Variants in ADSS1 observed in about 807,000 individuals in gnomAD.
ADSS1 encodes adenylosuccinate synthase 1, also known as adenylosuccinate synthetase isozyme 1.
In ADSS1, 57 loss-of-function variants were observed where a neutral mutation model predicts 59.1. The observed-to-expected ratio is 0.97, with a 90% CI of 0.78 to 1.20. The LOEUF is 1.20. Among genes scored for constraint, ADSS1 ranks in the 50% most tolerant of loss-of-function variants. ADSS1 has a pLI of 0.00. For synonymous variants in ADSS1, 247 were observed against 249.4 expected (o/e 0.99, Z 0.09); for missense variants, 603 against 610.3 (o/e 0.99, Z 0.13).
At chr14:104,741,769 A>G (rs45518837) in intron 8 of ADSS1, 79 bp from the exon 9 acceptor site, 28,146 of 1,563,250 alleles carry the variant, frequency 0.018, 292 homozygotes, top group Non-Finnish European at 0.022. Flanking sequence ...ACTGCCCTTT[A>G]CTGAGAAGGC....
At chr14:104,728,882 C>G (rs1398196245) in intron 1 of ADSS1, among the ~76,000 whole-genome samples, 1 of 152,186 alleles carries the variant, frequency 6.6e-6, no homozygotes, top group East Asian at 1.9e-4. Context: ...CCCTCCTCCC[C>G]AAGCCTGCAT....
At position 104,747,069 on chromosome 14, in the gene ADSS1, C is replaced by A. The variant is rs1417369666; in HGVS notation, c.*66C>A. 5.6e-6 allele frequency: 8 copies of A among 1,439,062 alleles called. No homozygotes were observed. In the Admixed American group the frequency reaches 1.3e-4, roughly 23 times the overall value. 89.1% of individuals were successfully genotyped at this position (1,439,062 alleles called of 1,614,324 possible). A position where few individuals can be genotyped will look rare whatever the true frequency, so the allele number is the denominator to read the frequency against. On this transcript the variant is annotated 3_prime_UTR_variant, in exon 13 of 13. Transcript: ENST00000330877. ...GGACTTGTGTAAACAGCAGCAGTCACGTTCCTCGGCCGCCACAACCAACAC... is the reference window on the plus strand; with the variant it reads ...GGACTTGTGTAAACAGCAGCAGTCAAGTTCCTCGGCCGCCACAACCAACAC...
intron 9 of ADSS1, 28 bp from the exon 10 acceptor site, chr14:104,743,039 A>C: frequency 6.2e-7 from 1 of 1,611,822 alleles, no homozygotes; most frequent in South Asian, 1.1e-5. Flanking sequence ...ACGACAGCTC[A>C]CATGACGTCC....
At chr14:104,741,642 A>G (rs1595210769) in intron 8 of ADSS1, among the ~76,000 whole-genome samples, 1 of 151,874 alleles carries the variant, frequency 6.6e-6, no homozygotes, top group Non-Finnish European at 1.5e-5. Context: ...CCCTCCTCTC[A>G]CCCCAGACTC....
intron 1 of ADSS1, chr14:104,730,062 C>A (rs1259540440): frequency 2.6e-6 from 4 of 1,566,734 alleles, no homozygotes; most frequent in Non-Finnish European, 3.5e-6. Context: ...GCTCAGCCCA[C>A]CCCTCACCTT....
rs1891289681 is a variant in ADSS1, at chr14:104,740,167, T to G, written c.476+351T>G. Among the ~76,000 whole-genome samples, 1 of 152,040 alleles carries G rather than the reference T, an allele frequency of 6.6e-6. No individual in the cohort carries two copies. Among genetic ancestry groups the G allele is most frequent in the African/African-American group, 2.4e-5 (1 of 41,378 alleles). On this transcript the variant is annotated intron_variant, in intron 5 of 12. Coordinates refer to ENST00000330877, the MANE Select transcript of ADSS1 (RefSeq NM_152328.5). This position sits in a 1 kb window ranked among gnomAD's most constrained non-coding sequence, Gnocchi z 4.8. ...AAGCAGTTTAGTAGAACCTCAGATGTGCCAAGGACACAGGAGTGAAGCAGA... is the reference window on the plus strand; with the variant it reads ...AAGCAGTTTAGTAGAACCTCAGATGGGCCAAGGACACAGGAGTGAAGCAGA...
At chr14:104,743,214 C>G in intron 10 of ADSS1, 23 bp downstream of exon 10, 1 of 1,605,608 alleles carries the variant, frequency 6.2e-7, no homozygotes, top group East Asian at 2.2e-5. Flanking sequence ...TGCTGCCATC[C>G]CCACTGGGAC....
intron 1 of ADSS1, among the ~76,000 whole-genome samples, chr14:104,731,640 C>T (rs530051296): frequency 5.3e-5 from 8 of 152,314 alleles, no homozygotes; most frequent in African/African-American, 1.4e-4. Context: ...GCAGAGAGGC[C>T]TGCCGGCTGG....
Position 104,741,230 on chromosome 14 carries a change from C to T in ADSS1, c.780C>T (p.Leu260=), listed in dbSNP as rs549147233. The T allele has an allele frequency of 3.8e-6, 6 of 1,597,910 alleles. No homozygotes were observed. The highest frequency in any genetic ancestry group is 1.8e-5 in the Admixed American group (1 of 57,062). The change falls in exon 8 of 13, where the codon CTC becomes CTT. Residue 260 remains leucine (L), a synonymous_variant. Transcript: ENST00000330877. ...TGGAGGGTGCCAACGCCGCCCTCCT[C>T]GACATTGACTTCGGTATGTCCGGGA... ...ILVEGANAAL[L]DIDFGTYPFV...
Position 104,739,836 on chromosome 14 carries a change from C to G in ADSS1, c.476+20C>G, listed in dbSNP as rs534054807. 3.7e-6 allele frequency: 6 copies of G among 1,613,328 alleles called. No individual in the cohort carries two copies. Among genetic ancestry groups the G allele is most frequent in the Middle Eastern group, 1.7e-4 (1 of 6,056 alleles). ...GAAGAAGTAAGTCTGCCGGGACACT[C>G]TCACCCTCGGGGAGTCTTCTGGGCC... On this transcript the variant is annotated intron_variant, in intron 5 of 12. Transcript: ENST00000330877.
chr14:104,728,522 A>G (rs1244530272), intron 1 of ADSS1, among the ~76,000 whole-genome samples: 1 of 152,134 alleles, frequency 6.6e-6, no homozygotes, highest in Non-Finnish European at 1.5e-5. Context: ...GGGAGCCTGC[A>G]AGCAGAGCCC....
intron 9 of ADSS1, among the ~76,000 whole-genome samples, chr14:104,742,766 C>T (rs781157050): frequency 2.0e-5 from 3 of 152,246 alleles, no homozygotes; most frequent in Non-Finnish European, 2.9e-5. Flanking sequence ...GAGGGGAAGA[C>T]AGCAAGGCTG....
intron 4 of ADSS1, 37 bp from the exon 5 acceptor site, chr14:104,739,713 C>T (rs1891264298): frequency 1.2e-6 from 2 of 1,610,810 alleles, no homozygotes; most frequent in Non-Finnish European, 1.7e-6. Flanking sequence ...CTGCTTCTCT[C>T]CTGTCTCCTG....
chr14:104,726,586 AG>A (rs1438809846), intron 1 of ADSS1, among the ~76,000 whole-genome samples: 4 of 152,172 alleles, frequency 2.6e-5, no homozygotes, highest in Admixed American at 1.3e-4. Context: ...ATGTCGTCAG[AG>A]GCTGGCAGAG....
chr14:104,733,595 G>C (rs934938374), intron 1 of ADSS1, among the ~76,000 whole-genome samples: 3 of 152,198 alleles, frequency 2.0e-5, no homozygotes, highest in Admixed American at 6.5e-5. Context: ...CCAGGCTTGT[G>C]AGGGTGGGAG....
chr14:104,730,223 G>C, intron 1 of ADSS1: 1 of 1,492,884 alleles, frequency 6.7e-7, no homozygotes, highest in East Asian at 2.5e-5. Context: ...GGTGGGTGCG[G>C]TGGCGTACAT....
intron 5 of ADSS1, 108 bp downstream of exon 5, chr14:104,739,924 C>A: frequency 8.4e-7 from 1 of 1,187,796 alleles, no homozygotes; most frequent in Non-Finnish European, 1.2e-6. Flanking sequence ...TACCTCAACC[C>A]ACTCAAAGCC....
intron 1 of ADSS1, chr14:104,730,238 A>T: frequency 6.8e-7 from 1 of 1,474,138 alleles, no homozygotes; most frequent in Non-Finnish European, 9.1e-7. Context: ...GTACATCTGT[A>T]ACTCCAGCAC....
chr14:104,739,141 C>T (rs1399457581), intron 3 of ADSS1, among the ~76,000 whole-genome samples, 187 bp from the exon 4 acceptor site: 1 of 151,050 alleles, frequency 6.6e-6, no homozygotes, highest in Non-Finnish European at 1.5e-5. Flanking sequence ...CCGGGAGTCT[C>T]AGCTGGGGAG....
Sources: gnomAD v4.1 joint callset for allele counts (sites outside exome capture counted in the v4.1 genomes callset) on GRCh38, gnomAD v4.1.1 for gene constraint, Gnocchi (gnomAD v3.1) non-coding constraint, MANE v1.5 for transcripts, NCBI Gene and HGNC (gene_info 2026-07-23, HGNC 2026-07-21) for gene names.